Variants in SRPRA observed in about 807,000 individuals in gnomAD.
SRPRA encodes SRP receptor subunit alpha, also known as signal recognition particle receptor subunit alpha.
SRPRA carries 30 observed loss-of-function variants against 61.1 expected under a neutral mutation model. The observed-to-expected ratio is 0.49, with a 90% CI of 0.37 to 0.67. The LOEUF is 0.67. SRPRA is among the 30% of genes least tolerant of loss of function. The pLI is 0.00. For synonymous variants in SRPRA, 324 were observed against 299.7 expected (o/e 1.08, Z -0.84); for missense variants, 759 against 828.4 (o/e 0.92, Z 1.03).
In SRPRA at chr11:126,268,088, T is replaced by C; in HGVS notation, c.118-2A>G. 1 of 1,613,842 alleles carries C rather than the reference T, an allele frequency of 6.2e-7. No homozygotes were observed. Among genetic ancestry groups the C allele is most frequent in the Non-Finnish European group, 8.5e-7 (1 of 1,179,826 alleles). On this transcript the variant is annotated splice_acceptor_variant, in intron 1 of 13. Coordinates refer to ENST00000332118, the MANE Select transcript of SRPRA (RefSeq NM_003139.4). LOFTEE classifies it high-confidence loss of function. The stretch of plus-strand genomic sequence containing the variant: ...GAAGGAGTTGTTACCTCCCCGTTCC[T>C]GGAGAAAGAGTATGTCTCAGTGTTC...
the SRPRA span, among the ~76,000 whole-genome samples, chr11:126,257,400 T>A: frequency 6.6e-6 from 1 of 152,124 alleles, no homozygotes; most frequent in Non-Finnish European, 1.5e-5. Context: ...TTCCATTGAA[T>A]GTAGTGGCAA....
downstream of SRPRA, chr11:126,260,539 C>T (rs180705357): frequency 1.1e-3 from 172 of 152,028 alleles, no homozygotes; most frequent in African/African-American, 3.9e-3. Context: ...TGTTAGGCAA[C>T]GTCTGATATT....
In SRPRA at chr11:126,266,281, G is replaced by A. The variant is rs200066963; in HGVS notation, c.841-3C>T. 48 of 1,613,822 alleles carry A rather than the reference G, an allele frequency of 3.0e-5. No individual in the cohort carries two copies. The highest frequency in any genetic ancestry group is 4.0e-5 in the Non-Finnish European group (47 of 1,179,866). On this transcript the variant is annotated splice_region_variant and splice_polypyrimidine_tract_variant and intron_variant, in intron 6 of 13. Coordinates refer to ENST00000332118, the MANE Select transcript of SRPRA (RefSeq NM_003139.4). ...CCCCCAGACCCAGTCCCTCGAATCT[G>A]GAAGATACGGGGAAAGGATGTGGGG...
downstream of SRPRA, chr11:126,262,305 A>G: frequency 1.6e-6 from 1 of 626,710 alleles, no homozygotes; most frequent in Non-Finnish European, 2.8e-6. Context: ...CCTTCATACC[A>G]CCTGGTTCTT....
At chr11:126,237,902 ATT>A in the SRPRA span, among the ~76,000 whole-genome samples, 5 of 150,330 alleles carry the variant, frequency 3.3e-5, no homozygotes, top group African/African-American at 9.7e-5. Context: ...TGAGGATATC[ATT>A]GTTTTCTTTT....
At chr11:126,250,565 C>G in the SRPRA span, 3 of 1,613,916 alleles carry the variant, frequency 1.9e-6, no homozygotes, top group African/African-American at 2.7e-5. The surrounding 1 kb of genome is among the most constrained non-coding windows in gnomAD (Gnocchi z 5.1). Context: ...TATTTGATGA[C>G]TTGGAGTCAA....
rs375017029 is a variant in SRPRA at position 126,266,714 on chromosome 11, T to C, written c.686+49A>G. Reference sequence around the variant, plus strand: ...AGAGACCAGAACTCCCTTGCACCCATTGTGTCTAGATAACAGTATTTTGAG... The same window carrying C: ...AGAGACCAGAACTCCCTTGCACCCACTGTGTCTAGATAACAGTATTTTGAG... On this transcript the variant is annotated intron_variant, in intron 5 of 13. Transcript: ENST00000332118. 4.5e-5 allele frequency: 73 copies of C among 1,609,998 alleles called. 1 individual carries two copies. In the South Asian group the frequency reaches 6.1e-4, roughly 13 times the overall value.
At position 126,264,363 on chromosome 11, in the gene SRPRA, C is replaced by T. The variant is rs1203955345; in HGVS notation, c.1689+13G>A. 2.5e-6 allele frequency: 4 copies of T among 1,613,952 alleles called. No individual in the cohort carries two copies. The Admixed American group carries it at 6.7e-5, about 27-fold the overall frequency. On this transcript the variant is annotated intron_variant, in intron 12 of 13. Coordinates refer to ENST00000332118, the MANE Select transcript of SRPRA (RefSeq NM_003139.4). The surrounding 1 kb of genome is among the most constrained non-coding windows in gnomAD (Gnocchi z 5.0). ...AGCTCAAGTTGTAAAGGGAACTGGG[C>T]CCACGCTCTCACCAGCTGGTCCACG... is the stretch of plus-strand genomic sequence containing the variant.
the SRPRA span, chr11:126,254,195 A>C: frequency 7.7e-7 from 1 of 1,304,202 alleles, no homozygotes; most frequent in Non-Finnish European, 1.0e-6. Flanking sequence ...TCATGAAGCT[A>C]GAGAGTTTAT....
the SRPRA span, chr11:126,254,565 G>A: frequency 1.6e-6 from 2 of 1,219,376 alleles, no homozygotes; most frequent in South Asian, 2.9e-5. Context: ...AGGAGCAGTG[G>A]CTCATGCCTA....
chr11:126,263,602 G>T lies in SRPRA; in HGVS notation c.*314C>A. ...CCACACTAATTATTAGCAAAGCTCT[G>T]GTGTTGGGTTCCAACCATTGGTCAA... is the stretch of plus-strand genomic sequence containing the variant. On this transcript the variant is annotated 3_prime_UTR_variant, in exon 14 of 14. Coordinates refer to ENST00000332118, the MANE Select transcript of SRPRA (RefSeq NM_003139.4). 3.5e-6 allele frequency: 1 copy of T among 283,078 alleles called. No homozygotes were observed. Among genetic ancestry groups the T allele is most frequent in the Non-Finnish European group, 6.8e-6 (1 of 147,234 alleles). 17.5% of individuals were successfully genotyped at this position (283,078 alleles called of 1,614,324 possible).
At chr11:126,258,055 A>G (rs765280474), downstream of SRPRA, among the ~76,000 whole-genome samples, 2 of 152,180 alleles carry the variant, frequency 1.3e-5, no homozygotes, top group African/African-American at 2.4e-5. Context: ...TGTGCACAGA[A>G]TATTTCCTGA....
chr11:126,266,039 C>CTT lies in SRPRA; in HGVS notation c.973_974dup (p.Gly326ArgfsTer9), dbSNP rs772886315. On this transcript the variant is annotated frameshift_variant, in exon 8 of 14. Coordinates refer to ENST00000332118, the MANE Select transcript of SRPRA (RefSeq NM_003139.4). LOFTEE classifies it high-confidence loss of function. ...TCAAGCTCTTTGAACCCACAAGGCC[C>CTT]TTCAGCATACCAAACATGCCACCCA... 1 of 1,614,210 alleles carries CTT rather than the reference C, an allele frequency of 6.2e-7. No individual in the cohort carries two copies. The highest frequency in any genetic ancestry group is 8.5e-7 in the Non-Finnish European group (1 of 1,180,040).
the SRPRA span, among the ~76,000 whole-genome samples, chr11:126,257,764 T>C: frequency 6.6e-6 from 1 of 152,304 alleles, no homozygotes; most frequent in Non-Finnish European, 1.5e-5. Flanking sequence ...AACTTACTTT[T>C]AGAAATGCTA....
the SRPRA span, among the ~76,000 whole-genome samples, chr11:126,239,902 C>A: frequency 1.3e-5 from 2 of 152,146 alleles, no homozygotes; most frequent in Non-Finnish European, 2.9e-5. Context: ...AACCAGGTTT[C>A]CCAAGGCTTG....
At chr11:126,236,558 T>TTCACA in the SRPRA span, among the ~76,000 whole-genome samples, 6 of 152,338 alleles carry the variant, frequency 3.9e-5, no homozygotes, top group Admixed American at 2.6e-4. Context: ...TTCACAGTGA[T>TTCACA]GTATCTTGTC....
Position 126,263,991 on chromosome 11 carries a change from C to G in SRPRA, c.1842G>C (p.Val614=). The G allele has an allele frequency of 6.2e-7, 1 of 1,614,146 alleles. No homozygotes were observed. The highest frequency in any genetic ancestry group is 1.6e-4 in the Middle Eastern group (1 of 6,062). The change falls in exon 14 of 14, where the codon GTG becomes GTC. Residue 614 remains valine (V), a synonymous_variant. Transcript: ENST00000332118. ...GGTCACAGTAGGTCTGGCCGGTGCC[C>G]ACAAAGACGATGGGTTTGCTTGTGA... ...TYITSKPIVF[V]GTGQTYCDLR... is the part of the protein sequence containing the mutation.
Position 126,267,991 on chromosome 11 carries a change from C to A in SRPRA, c.201+12G>T. ...TAACAATGCAATCGTCCCTCTACAA[C>A]ACCCCACTTACCACAAACACCAGCT... is the stretch of plus-strand genomic sequence containing the variant. On this transcript the variant is annotated intron_variant, in intron 2 of 13. Coordinates refer to ENST00000332118, the MANE Select transcript of SRPRA (RefSeq NM_003139.4). This position sits in a 1 kb window ranked among gnomAD's most constrained non-coding sequence, Gnocchi z 4.2. The A allele has an allele frequency of 6.2e-7, 1 of 1,613,710 alleles. No homozygotes were observed. The highest frequency in any genetic ancestry group is 8.5e-7 in the Non-Finnish European group (1 of 1,179,604).
the SRPRA span, among the ~76,000 whole-genome samples, chr11:126,251,549 C>T: frequency 3.3e-5 from 5 of 152,164 alleles, no homozygotes; most frequent in African/African-American, 1.2e-4. Flanking sequence ...TTTCTCTGGT[C>T]CAAGTGTCTT....
Sources: allele counts gnomAD v4.1 joint callset (sites outside exome capture counted in the v4.1 genomes callset), GRCh38; gene constraint gnomAD v4.1.1; non-coding constraint Gnocchi (gnomAD v3.1); transcripts MANE v1.5; gene names NCBI Gene and HGNC (gene_info 2026-07-23, HGNC 2026-07-21).